Variants in TTN observed in about 807,000 individuals in gnomAD.
TTN encodes connectin.
A neutral mutation model predicts 3,223.0 loss-of-function variants in TTN; 1,525 were observed. The ratio of observed to expected loss-of-function variants is 0.47; its 90% CI spans 0.45 to 0.49. TTN has a LOEUF of 0.49. TTN is among the 20% of genes least tolerant of loss of function. The pLI, the probability that TTN is intolerant of heterozygous loss-of-function variation, is 0.00. For missense variants in TTN, 40,786 were observed against 43,424.0 expected, an observed-to-expected ratio of 0.94 and a Z score of 5.40; for synonymous variants, 14,094 against 15,161.0, an observed-to-expected ratio of 0.93 and a Z score of 5.17.
Position 178,570,336 on chromosome 2 carries a change from C to T in TTN, c.75796G>A (p.Val25266Ile), listed in dbSNP as rs1389153424. The T allele has an allele frequency of 1.2e-6, 2 of 1,613,272 alleles. No individual in the cohort carries two copies. The highest frequency in any genetic ancestry group is 1.7e-6 in the Non-Finnish European group (2 of 1,179,610). Residue 25266 changes from valine to isoleucine, a missense_variant, in exon 326 of 363, where the codon GTT becomes ATT. Transcript: ENST00000589042. ...TCATTGCCTTCAAGAAGCTTAGTAA[C>T]CTTGCAGCTGAGAGTCTGCACATTG... ...DANVQTLSCK[V>I]TKLLEGNEYT... is the part of the protein sequence containing the mutation.
At position 178,676,259 on chromosome 2, in the gene TTN, G is replaced by A. The variant is rs757783973; in HGVS notation, c.34379-264C>T. On this transcript the variant is annotated intron_variant, in intron 147 of 362. Transcript: ENST00000589042. ...GACATTACTTTTAATGCTAAAAACC[G>A]CAATTACTTTTGCACCAACCTAATA... Among the ~76,000 whole-genome samples the A allele has an allele frequency of 4.0e-5, 6 of 151,728 alleles. No homozygotes were observed. In the South Asian group the frequency reaches 6.2e-4, roughly 16 times the overall value.
intron 271 of TTN, 43 bp downstream of exon 271, chr2:178,610,047 G>T (rs544323917): frequency 6.2e-7 from 1 of 1,611,496 alleles, no homozygotes; most frequent in Admixed American, 1.7e-5. Context: ...CAAAACTATG[G>T]TTTATTAGTT....
intron 112 of TTN, among the ~76,000 whole-genome samples, chr2:178,697,657 T>C (rs1461377556): frequency 6.6e-5 from 10 of 152,204 alleles, no homozygotes; most frequent in African/African-American, 2.4e-4. Context: ...CATATTTTCC[T>C]TCTTTATGGA....
In TTN at chr2:178,688,123, T is replaced by C; in HGVS notation, c.32299A>G (p.Thr10767Ala). 2 of 1,612,548 alleles carry C rather than the reference T, an allele frequency of 1.2e-6. No individual in the cohort carries two copies. The highest frequency in any genetic ancestry group is 2.2e-5 in the South Asian group (2 of 91,038). ...EREEEEEAEVTEYEVMEEPEE... is the reference protein window; with the variant it reads ...EREEEEEAEVAEYEVMEEPEE... ...TTGCATTGTTTACCTTCATATTCTGTAACCTCTGCTTCTTCCTCCTCCTCT... is the reference window on the plus strand; with the variant it reads ...TTGCATTGTTTACCTTCATATTCTGCAACCTCTGCTTCTTCCTCCTCCTCT... Residue 10767 changes from threonine to alanine, a missense_variant, in exon 127 of 363, where the codon ACA becomes GCA. Transcript: ENST00000589042.
intron 282 of TTN, among the ~76,000 whole-genome samples, chr2:178,603,410 T>A (rs558376113): frequency 1.3e-5 from 2 of 152,126 alleles, no homozygotes; most frequent in African/African-American, 2.4e-5. Context: ...TTCTCTCTTA[T>A]TTGACCTCAC....
rs75948012 is a variant in TTN, at chr2:178,576,076, T to C, written c.70056A>G (p.Arg23352=). The change falls in exon 326 of 363, where the codon AGA becomes AGG. Residue 23352 remains arginine, a synonymous_variant. Coordinates refer to ENST00000589042, the MANE Select transcript of TTN (RefSeq NM_001267550.2). The surrounding 1 kb of genome is among the most constrained non-coding windows in gnomAD (Gnocchi z 4.3). ...PDFELDAELR[R]TLVVRAGLSI... Reference sequence around the variant, plus strand: ...TGAGTCCTGCTCTAACAACAAGTGTTCTTCGAAGCTCGGCATCTAGTTCAA... The same window carrying C: ...TGAGTCCTGCTCTAACAACAAGTGTCCTTCGAAGCTCGGCATCTAGTTCAA... The C allele has an allele frequency of 3.7e-5, 59 of 1,613,542 alleles. No homozygotes were observed. In the African/African-American group the frequency reaches 7.6e-4, roughly 21 times the overall value.
At position 178,714,400 on chromosome 2, in the gene TTN, C is replaced by A. The variant is rs764989717; in HGVS notation, c.26374G>T (p.Ala8792Ser). Residue 8792 changes from alanine to serine, a missense_variant, in exon 91 of 363, where the codon GCA (alanine) becomes TCA (serine). Coordinates refer to ENST00000589042, the MANE Select transcript of TTN (RefSeq NM_001267550.2). ...NIWISYSENI[A>S]TLQFSRVEPA... The stretch of plus-strand genomic sequence containing the variant: ...TCCACTCTTGAAAACTGTAAGGTTG[C>A]AATGTTTTCTGAATAAGAAATCCAT... The A allele has an allele frequency of 1.2e-6, 2 of 1,613,658 alleles. No individual in the cohort carries two copies. The highest frequency in any genetic ancestry group is 1.7e-6 in the Non-Finnish European group (2 of 1,179,762).
At chr2:178,805,549 G>A (rs4894050) in intron 1 of TTN, among the ~76,000 whole-genome samples, 77,731 of 151,872 alleles carry the variant, frequency 0.51, 20,298 homozygotes, top group Admixed American at 0.57. Flanking sequence ...CCTGACTGGA[G>A]AAGCTTTGGC....
chr2:178,551,358 A>T, intron 335 of TTN, 98 bp from the exon 336 acceptor site: 1 of 947,384 alleles, frequency 1.1e-6, no homozygotes, highest in Non-Finnish European at 1.4e-6. Context: ...ATTTTAATAA[A>T]TAAGTAAAAT....
Position 178,734,474 on chromosome 2 carries a change from C to T in TTN, c.15350G>A (p.Ser5117Asn). The T allele has an allele frequency of 1.2e-6, 2 of 1,613,660 alleles. No individual in the cohort carries two copies. Among genetic ancestry groups the T allele is most frequent in the Non-Finnish European group, 8.5e-7 (1 of 1,179,702 alleles). The change falls in exon 52 of 363, where the codon AGT (serine) becomes AAT (asparagine). Residue 5117 changes from serine (S) to asparagine (N), a missense_variant. Transcript: ENST00000589042. ...SWFKDKKQIR[S>N]SKKYRLFSQK... ...AGAAAACAATCTGTATTTTTTACTACTTCGAATTTGTTTCTTGTCTTTGAA... is the reference window on the plus strand; with the variant it reads ...AGAAAACAATCTGTATTTTTTACTATTTCGAATTTGTTTCTTGTCTTTGAA...
At position 178,724,148 on chromosome 2, in the gene TTN, G is replaced by A. The variant is rs775047828; in HGVS notation, c.21116-5C>T. The A allele has an allele frequency of 6.2e-7, 1 of 1,606,550 alleles. No homozygotes were observed. Among genetic ancestry groups the A allele is most frequent in the South Asian group, 1.1e-5 (1 of 90,088 alleles). On this transcript the variant is annotated splice_region_variant and splice_polypyrimidine_tract_variant and intron_variant, in intron 72 of 362. Transcript: ENST00000589042. ...AAGAGGGAGGAACTGCTCGGTCTGT[G>A]TGAGGAAAGGTAAGAGACTCATCAT...
In TTN at chr2:178,770,393, T is replaced by C. The variant is rs748209430; in HGVS notation, c.8380+19A>G. The C allele has an allele frequency of 3.7e-6, 6 of 1,614,008 alleles. No individual in the cohort carries two copies. Among genetic ancestry groups the C allele is most frequent in the Non-Finnish European group, 4.2e-6 (5 of 1,180,024 alleles). ...AACCATGGGCTGACTGCTTGAAAAG[T>C]GTTTCTAAATCAACTTACTCTCCAC... On this transcript the variant is annotated intron_variant, in intron 35 of 362. Coordinates refer to ENST00000589042, the MANE Select transcript of TTN (RefSeq NM_001267550.2).
Position 178,568,659 on chromosome 2 carries a change from G to A in TTN, c.77473C>T (p.Pro25825Ser). ...TTAGTCCAGGTAATGGTTGGCTTAG[G>A]ACGTCCAGAAATTGGCACTTCTATT... ...LKIEVPISGR[P>S]KPTITWTKDG... The change falls in exon 326 of 363, where the codon CCT becomes TCT. Residue 25825 changes from proline (P) to serine (S), a missense_variant. Physicochemically the swap from Pro to Ser is moderately conservative, Grantham distance 74 (BLOSUM62 -1). Coordinates refer to ENST00000589042, the MANE Select transcript of TTN (RefSeq NM_001267550.2). The A allele has an allele frequency of 6.2e-7, 1 of 1,613,384 alleles. No homozygotes were observed. Among genetic ancestry groups the A allele is most frequent in the Non-Finnish European group, 8.5e-7 (1 of 1,179,580 alleles).
chr2:178,529,877 G>T, intron 359 of TTN, 83 bp downstream of exon 359: 1 of 1,347,890 alleles, frequency 7.4e-7, no homozygotes, highest in Non-Finnish European at 1.0e-6. Flanking sequence ...TTTCTTGTAT[G>T]TGTATATAAG....
rs727504736 is a variant in TTN, at chr2:178,723,556, G to A, written c.21544C>T (p.Arg7182Trp). The A allele has an allele frequency of 4.3e-5, 69 of 1,613,186 alleles. No homozygotes were observed. Among genetic ancestry groups the A allele is most frequent in the Admixed American group, 4.2e-4 (25 of 59,944 alleles). ...RGARELVKGDRCNIYFEDTVA... is the reference protein window; with the variant it reads ...RGARELVKGDWCNIYFEDTVA... ...GTGTCTTCAAAATAGATGTTGCACCGGTCTCCTTTCACTAGTTCTCTGGCA... is the reference window on the plus strand; with the variant it reads ...GTGTCTTCAAAATAGATGTTGCACCAGTCTCCTTTCACTAGTTCTCTGGCA... The change falls in exon 74 of 363, where the codon CGG becomes TGG. Residue 7182 changes from arginine (R) to tryptophan (W), a missense_variant. Transcript: ENST00000589042.
At chr2:178,596,144 C>A (rs750783219) in intron 294 of TTN, among the ~76,000 whole-genome samples, 4 of 151,894 alleles carry the variant, frequency 2.6e-5, no homozygotes, top group Non-Finnish European at 5.9e-5. Context: ...GCATGTGCCA[C>A]CATACCAGGC....
At position 178,632,983 on chromosome 2, in the gene TTN, C is replaced by T. The variant is rs765835336; in HGVS notation, c.43148G>A (p.Gly14383Asp). 1 of 1,613,220 alleles carries T rather than the reference C, an allele frequency of 6.2e-7. No homozygotes were observed. Among genetic ancestry groups the T allele is most frequent in the South Asian group, 1.1e-5 (1 of 91,054 alleles). Reference protein sequence around the residue: ...HILILHNCQLGMTGEVSFQAA... With the variant: ...HILILHNCQLDMTGEVSFQAA... ...CTGGAAGGAAACCTCTCCTGTCATACCCAGCTGACAGTTATGAAGGATCAG... is the reference window on the plus strand; with the variant it reads ...CTGGAAGGAAACCTCTCCTGTCATATCCAGCTGACAGTTATGAAGGATCAG... The change falls in exon 234 of 363, where the codon GGT (glycine) becomes GAT (aspartate). Residue 14383 changes from glycine (G) to aspartate (D), a missense_variant. Physicochemically the swap from Gly to Asp is moderately conservative, Grantham distance 94. Coordinates refer to ENST00000589042, the MANE Select transcript of TTN (RefSeq NM_001267550.2).
intron 114 of TTN, 31 bp from the exon 115 acceptor site, chr2:178,695,441 T>G: frequency 1.9e-6 from 3 of 1,574,628 alleles, no homozygotes; most frequent in Non-Finnish European, 2.6e-6. Context: ...TAAGAAGGGA[T>G]GCTTAAATAG....
At chr2:178,580,857 G>A in intron 316 of TTN, 2 of 473,868 alleles carry the variant, frequency 4.2e-6, no homozygotes, top group South Asian at 5.6e-5. Flanking sequence ...TCTTTCATGA[G>A]CCTTATGTAC....
Sources: gnomAD v4.1 joint callset for allele counts (sites outside exome capture counted in the v4.1 genomes callset) on GRCh38, gnomAD v4.1.1 for gene constraint, Gnocchi (gnomAD v3.1) non-coding constraint, MANE v1.5 for transcripts, NCBI Gene and HGNC (gene_info 2026-07-23, HGNC 2026-07-21) for gene names.